The following MEPE variants were observed in gnomAD, a reference collection of about 807,000 sequenced individuals.
MEPE encodes the protein matrix, extracellular phosphoglycoprotein with ASARM motif (bone).
MEPE carries 7 observed loss-of-function variants against 7.3 expected under a neutral mutation model. The observed-to-expected ratio is 0.95, with a 90% CI of 0.54 to 1.79. MEPE has a LOEUF of 1.79. MEPE is among the 40% of genes most tolerant of loss of function. The pLI is 0.00. For synonymous variants in MEPE, 214 were observed against 213.1 expected (o/e 1.00, Z -0.04); for missense variants, 623 against 628.2 (o/e 0.99, Z 0.09).
intron 3 of MEPE, among the ~76,000 whole-genome samples, chr4:87,843,677 A>C (rs116648309): frequency 5.4e-4 from 83 of 152,330 alleles, no homozygotes; most frequent in African/African-American, 1.9e-3. Context: ...AATGTGCAGA[A>C]ATTAAATTCA....
At chr4:87,844,493 T>C (rs1723130958) in intron 3 of MEPE, among the ~76,000 whole-genome samples, 1 of 151,508 alleles carries the variant, frequency 6.6e-6, no homozygotes, top group Non-Finnish European at 1.5e-5. Flanking sequence ...ATTTTCTGTT[T>C]AAAAAGAAGC....
At chr4:87,833,589 A>T (rs7655429) in intron 1 of MEPE, among the ~76,000 whole-genome samples, 10,335 of 152,130 alleles carry the variant, frequency 0.068, 1,188 homozygotes, top group African/African-American at 0.24. Context: ...TATTTAGATT[A>T]TTTTTTCCCA....
intron 1 of MEPE, among the ~76,000 whole-genome samples, chr4:87,825,929 C>T (rs1012964664): frequency 1.6e-4 from 25 of 152,142 alleles, no homozygotes; most frequent in African/African-American, 4.3e-4. Flanking sequence ...TAAGTGAGAA[C>T]GTGCAGTATT....
Position 87,845,282 on chromosome 4 carries a change from C to T in MEPE, c.414C>T (p.Asp138=). ...ATGATGCTATCAGCAAACTACATGA[C>T]CAAGAAGAATATGGCGCAGCTCTCA... ...DGDDAISKLH[D]QEEYGAALIR... Residue 138 remains aspartate (D), a synonymous_variant, in exon 4 of 4, where the codon GAC becomes GAT. Coordinates refer to ENST00000361056, the MANE Select transcript of MEPE (RefSeq NM_020203.6). 6.2e-7 allele frequency: 1 copy of T among 1,613,892 alleles called. No homozygotes were observed. The highest frequency in any genetic ancestry group is 8.5e-7 in the Non-Finnish European group (1 of 1,179,932).
At chr4:87,839,920 T>C (rs1039942131) in intron 3 of MEPE, 1 of 1,536,078 alleles carries the variant, frequency 6.5e-7, no homozygotes. Flanking sequence ...CTTCCCTCCC[T>C]CCCCAGGCTC....
Position 87,846,164 on chromosome 4 carries a change from A to G in MEPE, c.1296A>G (p.Lys432=). The G allele has an allele frequency of 1.2e-6, 2 of 1,614,064 alleles. No homozygotes were observed. Among genetic ancestry groups the G allele is most frequent in the Non-Finnish European group, 8.5e-7 (1 of 1,179,974 alleles). Residue 432 remains lysine (K), a synonymous_variant, in exon 4 of 4, where the codon AAA becomes AAG. Transcript: ENST00000361056. ...NEKQRFPSKG[K]SQGLPIPSRG... ...AACAAAGGTTTCCTAGTAAGGGCAA[A>G]AGTCAGGGCCTGCCCATTCCTTCTC...
At chr4:87,842,199 T>C (rs962820928) in intron 3 of MEPE, among the ~76,000 whole-genome samples, 24 of 152,182 alleles carry the variant, frequency 1.6e-4, no homozygotes, top group Admixed American at 4.6e-4. Flanking sequence ...TAAGAAAAAC[T>C]ATTTGGCAAT....
rs1170869506 is a variant in MEPE at position 87,845,580 on chromosome 4, G to A, written c.712G>A (p.Gly238Ser). 5.0e-6 allele frequency: 8 copies of A among 1,612,554 alleles called. No homozygotes were observed. The highest frequency in any genetic ancestry group is 5.1e-6 in the Non-Finnish European group (6 of 1,179,682). The change falls in exon 4 of 4, where the codon GGC (glycine) becomes AGC (serine). Residue 238 changes from glycine (G) to serine (S), a missense_variant. By Grantham distance (56) the Gly-to-Ser change is moderately conservative. Coordinates refer to ENST00000361056, the MANE Select transcript of MEPE (RefSeq NM_020203.6). Reference protein sequence around the residue: ...KVKKIPSDFEGSGYTDLQERG... With the variant: ...KVKKIPSDFESSGYTDLQERG... ...CAAAAAAATCCCCAGTGATTTTGAA[G>A]GCAGCGGTTATACAGATCTTCAAGA...
chr4:87,837,233 C>T (rs1722831048), intron 2 of MEPE, among the ~76,000 whole-genome samples: 1 of 152,130 alleles, frequency 6.6e-6, no homozygotes, highest in African/African-American at 2.4e-5. Flanking sequence ...AAAAAAGGTG[C>T]TGCTCCTAGG....
chr4:87,831,961 T>C (rs1722610847), upstream of MEPE, among the ~76,000 whole-genome samples: 1 of 152,016 alleles, frequency 6.6e-6, no homozygotes, highest in Non-Finnish European at 1.5e-5. Flanking sequence ...AAAACAGAAA[T>C]TTATTTCACA....
chr4:87,839,516 G>A (rs1005315625), intron 3 of MEPE, among the ~76,000 whole-genome samples: 2 of 152,018 alleles, frequency 1.3e-5, no homozygotes, highest in African/African-American at 4.8e-5. Flanking sequence ...TGCTGTCTTC[G>A]GGAGCCGGCT....
intron 3 of MEPE, among the ~76,000 whole-genome samples, chr4:87,841,678 A>C (rs1188130335): frequency 1.3e-5 from 2 of 152,224 alleles, no homozygotes; most frequent in Non-Finnish European, 2.9e-5. Context: ...CTCCAAGCAG[A>C]ACAGTACTTC....
At position 87,845,061 on chromosome 4, in the gene MEPE, G is replaced by A; in HGVS notation, c.193G>A (p.Val65Ile). The A allele has an allele frequency of 6.2e-7, 1 of 1,613,388 alleles. No individual in the cohort carries two copies. The highest frequency in any genetic ancestry group is 8.5e-7 in the Non-Finnish European group (1 of 1,179,700). Residue 65 changes from valine to isoleucine, a missense_variant, in exon 4 of 4, where the codon GTC (valine) becomes ATC (isoleucine). Physicochemically the swap from Val to Ile is conservative, Grantham distance 29. Coordinates refer to ENST00000361056, the MANE Select transcript of MEPE (RefSeq NM_020203.6). Reference sequence around the variant, plus strand: ...AGAGCTATCATCTAAAGAAAATATTGTCCAGGAAAGAAAGAAAGATTTGTC... The same window carrying A: ...AGAGCTATCATCTAAAGAAAATATTATCCAGGAAAGAAAGAAAGATTTGTC... The part of the protein sequence containing the change: ...NQELSSKENI[V>I]QERKKDLSLS...
chr4:87,836,580 G>A lies in MEPE; in HGVS notation c.54+1812G>A, dbSNP rs1217333013. On this transcript the variant is annotated intron_variant, in intron 2 of 3. Coordinates refer to ENST00000361056, the MANE Select transcript of MEPE (RefSeq NM_020203.6). ...TATATTTTTGAAGAGTGATATAATT[G>A]TCCAAATTTATATTCACATGATCAT... 4.6e-5 allele frequency among the ~76,000 whole-genome samples: 7 copies of A among 152,150 alleles called. No homozygotes were observed. The East Asian group carries it at 7.7e-4, about 17-fold the overall frequency.
intron 3 of MEPE, among the ~76,000 whole-genome samples, chr4:87,843,953 T>C (rs1048694828): frequency 1.3e-5 from 2 of 152,228 alleles, no homozygotes; most frequent in African/African-American, 4.8e-5. Context: ...TGCTTCATTC[T>C]AAAATGAAGT....
chr4:87,831,389 G>A (rs576346126), upstream of MEPE, among the ~76,000 whole-genome samples: 2 of 152,084 alleles, frequency 1.3e-5, no homozygotes, highest in African/African-American at 2.4e-5. Flanking sequence ...TACTCTTCCA[G>A]TTGCTCAGGT....
In MEPE at chr4:87,825,522, C is replaced by T. The variant is rs530177060; in HGVS notation, c.-13+4051C>T. On this transcript the variant is annotated intron_variant, in intron 1 of 3. Transcript: ENST00000424957. ...CCACTTCTCCATCAAGGTGTGAGGC[C>T]TATTTCTGCACCCGCTTCAATCTGA... Among the ~76,000 whole-genome samples, 73 of 152,304 alleles carry T rather than the reference C, an allele frequency of 4.8e-4. No individual in the cohort carries two copies. In the South Asian group the frequency reaches 0.015, roughly 31 times the overall value.
In MEPE at chr4:87,845,004, G is replaced by A. The variant is rs577867340; in HGVS notation, c.136G>A (p.Gly46Ser). ...GGAAGAAAAAAACAAAGACAATATT[G>A]GTTTTCACCATTTGGGCAAGAGAAT... is the stretch of plus-strand genomic sequence containing the variant. ...RQEEKNKDNI[G>S]FHHLGKRINQ... Residue 46 changes from glycine to serine, a missense_variant, in exon 4 of 4, where the codon GGT (glycine) becomes AGT (serine). Coordinates refer to ENST00000361056, the MANE Select transcript of MEPE (RefSeq NM_020203.6). The A allele has an allele frequency of 8.2e-6, 13 of 1,579,138 alleles. No individual in the cohort carries two copies. In the East Asian group the frequency reaches 2.9e-4, roughly 36 times the overall value.
At chr4:87,843,054 A>T (rs919151702) in intron 3 of MEPE, among the ~76,000 whole-genome samples, 4 of 152,146 alleles carry the variant, frequency 2.6e-5, no homozygotes, top group Admixed American at 6.5e-5. Flanking sequence ...ACATGTTAAC[A>T]TTCCAGTCCA....
Sources: allele counts gnomAD v4.1 joint callset (sites outside exome capture counted in the v4.1 genomes callset), GRCh38; gene constraint gnomAD v4.1.1; transcripts MANE v1.5; gene names NCBI Gene and HGNC (gene_info 2026-07-23, HGNC 2026-07-21).